DMD: variants seen among roughly 807,000 people sequenced by gnomAD.
The protein encoded by DMD is dystrophin, also known as mutant dystrophin.
Under a neutral mutation model 330.1 loss-of-function variants are expected in DMD, and 63 were observed. The observed-to-expected ratio is 0.19, with a 90% CI of 0.16 to 0.24. The LOEUF (loss-of-function observed/expected upper bound fraction) is 0.24. Ranked by LOEUF, DMD falls within the 10% of genes least tolerant of loss-of-function variation. The pLI is 1.00. For missense variants in DMD, 3,344 were observed against 2,684.1 expected (o/e 1.25, Z -5.43); for synonymous variants, 1,223 against 959.8 (o/e 1.27, Z -5.07).
chrX:32,508,361 G>A (rs1309687788), intron 18 of DMD, among the ~76,000 whole-genome samples: 1 of 111,678 alleles, frequency 9.0e-6, no homozygotes, highest in Admixed American at 9.5e-5. Context: ...GTGTGAATGA[G>A]ACAGTGAAGA....
chrX:33,141,068 C>A, intron 1 of DMD, among the ~76,000 whole-genome samples: 1 of 111,360 alleles, frequency 9.0e-6, no homozygotes, highest in Non-Finnish European at 1.9e-5. Context: ...TCCAACAAAC[C>A]TAAAATGTAA....
intron 48 of DMD, among the ~76,000 whole-genome samples, chrX:31,839,992 T>G (rs761960097): frequency 9.0e-5 from 10 of 111,633 alleles, no homozygotes; most frequent in Non-Finnish European, 1.7e-4. Context: ...TGTGATGTAC[T>G]AGCATGGAAA....
At chrX:32,444,894 G>C (rs914617484) in intron 27 of DMD, among the ~76,000 whole-genome samples, 2 of 110,823 alleles carry the variant, frequency 1.8e-5, no homozygotes, top group Non-Finnish European at 3.8e-5. Flanking sequence ...GGGGTGGTTG[G>C]TATTCATTTC....
chrX:32,826,698 G>A (rs1392964644), intron 4 of DMD, among the ~76,000 whole-genome samples: 2 of 111,303 alleles, frequency 1.8e-5, no homozygotes, highest in Non-Finnish European at 3.8e-5. Context: ...GATAGAGCTT[G>A]GAGGAGGAGG....
At chrX:32,255,466 T>A (rs1463828721) in intron 43 of DMD, among the ~76,000 whole-genome samples, 2 of 110,405 alleles carry the variant, frequency 1.8e-5, no homozygotes, top group East Asian at 5.7e-4. Flanking sequence ...CAGAGTTTAA[T>A]AGTTGTGAGA....
At chrX:32,529,378 A>AATTTTTTTTT (rs1569139194) in intron 17 of DMD, among the ~76,000 whole-genome samples, 13 of 73,060 alleles carry the variant, frequency 1.8e-4, no homozygotes, top group African/African-American at 6.0e-4. Flanking sequence ...GCAAAAATCA[A>AATTTTTTTTT]CTTTTTTTTT....
chrX:32,524,595 TA>T (rs996685359), intron 17 of DMD, among the ~76,000 whole-genome samples: 1 of 112,411 alleles, frequency 8.9e-6, no homozygotes, highest in Non-Finnish European at 1.9e-5. Flanking sequence ...GTATATTGGT[TA>T]TCTCCACACA....
intron 2 of DMD, among the ~76,000 whole-genome samples, chrX:33,010,064 AT>A (rs2093648955): frequency 3.1e-5 from 2 of 64,382 alleles, no homozygotes; most frequent in Non-Finnish European, 3.1e-5. Flanking sequence ...ATACGTGTAT[AT>A]ATACACAAAT....
At chrX:31,179,111 T>C (rs1731370100) in intron 69 of DMD, among the ~76,000 whole-genome samples, 1 of 112,533 alleles carries the variant, frequency 8.9e-6, no homozygotes, top group Non-Finnish European at 1.9e-5. Flanking sequence ...AAATGGTAGT[T>C]TATAGGTCTT....
chrX:32,030,314 C>T lies in DMD; in HGVS notation c.6439-61800G>A, dbSNP rs1369499613. Among the ~76,000 whole-genome samples, 8 of 111,997 alleles carry T rather than the reference C, an allele frequency of 7.1e-5. No homozygotes were observed. The East Asian group carries it at 2.3e-3, about 32-fold the overall frequency. ...ACTTATTTCAATAGCCATAGCATTG[C>T]TCCCAGACAAACTTATTCATTCCTC... On this transcript the variant is annotated intron_variant, in intron 44 of 78. Transcript: ENST00000357033.
intron 30 of DMD, among the ~76,000 whole-genome samples, chrX:32,397,126 G>C (rs1436656576): frequency 9.0e-6 from 1 of 111,519 alleles, no homozygotes. Context: ...ATTGGGGATA[G>C]AAGATTCAAT....
Position 31,627,810 on chromosome X carries a change from A to T in DMD, c.8080T>A (p.Phe2694Ile). The T allele has an allele frequency of 8.3e-7, 1 of 1,210,749 alleles. No individual in the cohort carries two copies. Among genetic ancestry groups the T allele is most frequent in the Non-Finnish European group, 1.1e-6 (1 of 895,072 alleles). Residue 2694 changes from phenylalanine (F) to isoleucine (I), a missense_variant, in exon 55 of 79, where the codon TTC (phenylalanine) becomes ATC (isoleucine). Physicochemically the swap from Phe to Ile is conservative, Grantham distance 21. Transcript: ENST00000357033. Reference protein sequence around the residue: ...LEETHRLLQQFPLDLEKFLAW... With the variant: ...LEETHRLLQQIPLDLEKFLAW... Reference sequence around the variant, plus strand: ...AGAAACTTTTCCAGGTCCAGGGGGAACTGTTGCAGTAATCTATGAGTTTCT... The same window carrying T: ...AGAAACTTTTCCAGGTCCAGGGGGATCTGTTGCAGTAATCTATGAGTTTCT...
chrX:33,118,587 T>C (rs377060901), intron 1 of DMD, among the ~76,000 whole-genome samples: 5 of 111,847 alleles, frequency 4.5e-5, no homozygotes, highest in African/African-American at 1.6e-4. Context: ...AGATTTAAAG[T>C]CGACCTGATG....
intron 62 of DMD, among the ~76,000 whole-genome samples, chrX:31,274,319 A>G (rs148742273): frequency 0.012 from 1,400 of 112,304 alleles, 9 homozygotes; most frequent in Non-Finnish European, 0.017. Flanking sequence ...AGATTAAAAT[A>G]TGAATAGTAT....
At position 32,636,720 on chromosome X, in the gene DMD, G is replaced by C. The variant is rs182004721; in HGVS notation, c.1331+7412C>G. On this transcript the variant is annotated intron_variant, in intron 11 of 78. Transcript: ENST00000357033. ...GGATGCAAAAGATTCTTGGCCAGGCGTGGTGGCTCATGCCTGTAATCCCAG... is the reference window on the plus strand; with the variant it reads ...GGATGCAAAAGATTCTTGGCCAGGCCTGGTGGCTCATGCCTGTAATCCCAG... 3.7e-3 allele frequency among the ~76,000 whole-genome samples: 416 copies of C among 111,828 alleles called. 2 individuals are homozygous for C. The highest frequency in any genetic ancestry group is 0.011 in the African/African-American group (354 of 30,843).
chrX:32,348,708 G>A (rs1441576409), intron 37 of DMD, among the ~76,000 whole-genome samples, 180 bp from the exon 38 acceptor site: 6 of 111,535 alleles, frequency 5.4e-5, no homozygotes, highest in Non-Finnish European at 9.4e-5. Context: ...ATGCAAATAA[G>A]GAGAAACATT....
At chrX:32,259,580 A>G (rs2097313618) in intron 43 of DMD, among the ~76,000 whole-genome samples, 1 of 111,682 alleles carries the variant, frequency 9.0e-6, no homozygotes, top group Non-Finnish European at 1.9e-5. Flanking sequence ...CATGATGAAT[A>G]TAAGTAAACA....
intron 29 of DMD, among the ~76,000 whole-genome samples, chrX:32,428,649 G>A (rs2098223078): frequency 9.0e-6 from 1 of 111,561 alleles, no homozygotes. Flanking sequence ...GTCTCACTCC[G>A]TAACCCAGGC....
At chrX:32,208,450 A>G (rs960837494) in intron 44 of DMD, among the ~76,000 whole-genome samples, 7 of 111,968 alleles carry the variant, frequency 6.3e-5, no homozygotes, top group Admixed American at 4.8e-4. Flanking sequence ...GACAGTAAGT[A>G]TCCATTAGAG....
Sources: allele counts gnomAD v4.1 joint callset (sites outside exome capture counted in the v4.1 genomes callset), GRCh38; gene constraint gnomAD v4.1.1; transcripts MANE v1.5; gene names NCBI Gene and HGNC (gene_info 2026-07-23, HGNC 2026-07-21).